VWF: variants seen among roughly 807,000 people sequenced by gnomAD.
VWF encodes the protein von Willebrand factor.
Under a neutral mutation model 308.6 loss-of-function variants are expected in VWF, and 176 were observed. The observed-to-expected ratio is 0.57, with a 90% CI of 0.50 to 0.65. The LOEUF (loss-of-function observed/expected upper bound fraction) is 0.65, where lower values mean the gene tolerates loss of function less well. Ranked by LOEUF, VWF falls within the 30% of genes least tolerant of loss-of-function variation. The probability of loss-of-function intolerance (pLI) is 0.00; values close to 1 mark genes in which losing one functional copy is unlikely to be tolerated. For missense variants in VWF, 3,146 were observed against 3,648.2 expected, an observed-to-expected ratio of 0.86 and a Z score of 3.55; for synonymous variants, 1,385 against 1,443.4, an observed-to-expected ratio of 0.96 and a Z score of 0.92.
At chr12:6,112,684 T>A (rs552691163) in intron 3 of VWF, among the ~76,000 whole-genome samples, 1 of 152,072 alleles carries the variant, frequency 6.6e-6, no homozygotes, top group South Asian at 2.1e-4. Context: ...ACCTGGCAGG[T>A]CTGTTGACTC....
At chr12:6,064,809 C>G (rs1358439001) in intron 11 of VWF, among the ~76,000 whole-genome samples, 1 of 152,200 alleles carries the variant, frequency 6.6e-6, no homozygotes, top group East Asian at 1.9e-4. Flanking sequence ...TCTTTGCCCC[C>G]ACCCCAGCCA....
rs1163709729 is a variant in VWF at position 6,016,630 on chromosome 12, G to A, written c.5197C>T (p.Leu1733=). The A allele has an allele frequency of 6.2e-7, 1 of 1,614,184 alleles. No individual in the cohort carries two copies. Among genetic ancestry groups the A allele is most frequent in the South Asian group, 1.1e-5 (1 of 91,086 alleles). ...IGPRLTQVSV[L]QYGSITTIDV... ...ATGGTGGTGATGCTTCCATACTGCA[G>A]CACTGACACCTGAGTGAGACGAGGC... Residue 1733 remains leucine (L), a synonymous_variant, in exon 30 of 52, where the codon CTG becomes TTG. Coordinates refer to ENST00000261405, the MANE Select transcript of VWF (RefSeq NM_000552.5).
intron 5 of VWF, among the ~76,000 whole-genome samples, chr12:6,102,864 T>C (rs1407012278): frequency 6.6e-6 from 1 of 152,248 alleles, no homozygotes; most frequent in Non-Finnish European, 1.5e-5. Context: ...ATGTCATTTT[T>C]CACAGAATTA....
intron 6 of VWF, among the ~76,000 whole-genome samples, chr12:6,091,051 T>C (rs1945029443): frequency 6.6e-6 from 1 of 152,214 alleles, no homozygotes; most frequent in South Asian, 2.1e-4. Flanking sequence ...TTTGATGGAC[T>C]AACCAGAGGA....
At position 6,016,157 on chromosome 12, in the gene VWF, A is replaced by G. The variant is rs754405864; in HGVS notation, c.5387T>C (p.Val1796Ala). Reference sequence around the variant, plus strand: ...AGAGACGTCCGTGACCAGGATGACCACCGCCTTTGAGGCTCCCGGCCTGGC... The same window carrying G: ...AGAGACGTCCGTGACCAGGATGACCGCCGCCTTTGAGGCTCCCGGCCTGGC... ...HGARPGASKAVVILVTDVSVD... is the reference protein window; with the variant it reads ...HGARPGASKAAVILVTDVSVD... Residue 1796 changes from valine (V) to alanine (A), a missense_variant, in exon 31 of 52, where the codon GTG becomes GCG. Val to Ala is a moderately conservative substitution (Grantham distance 64, BLOSUM62 0). Coordinates refer to ENST00000261405, the MANE Select transcript of VWF (RefSeq NM_000552.5). 1 of 1,614,144 alleles carries G rather than the reference A, an allele frequency of 6.2e-7. No individual in the cohort carries two copies. The highest frequency in any genetic ancestry group is 1.1e-5 in the South Asian group (1 of 91,078).
chr12:6,043,760 A>G (rs1184643158), intron 18 of VWF, among the ~76,000 whole-genome samples: 1 of 152,242 alleles, frequency 6.6e-6, no homozygotes, highest in Admixed American at 6.5e-5. Flanking sequence ...AGGGCTGGCC[A>G]AGACCTCACG....
At chr12:6,021,795 T>C (rs1444488911) in intron 27 of VWF, 105 bp downstream of exon 27, 7 of 1,319,094 alleles carry the variant, frequency 5.3e-6, no homozygotes, top group Admixed American at 1.7e-5. Context: ...ACTCAGTCTC[T>C]CAACTCATGT....
At chr12:6,022,146 C>A in intron 26 of VWF, 111 bp from the exon 27 acceptor site, 1 of 1,459,562 alleles carries the variant, frequency 6.9e-7, no homozygotes, top group Non-Finnish European at 9.6e-7. Flanking sequence ...TAGAAGCCAA[C>A]TCCTCCTGCC....
In VWF at chr12:6,123,814, G is replaced by C. The variant is rs181251679; in HGVS notation, c.-1+607C>G. 1.4e-3 allele frequency among the ~76,000 whole-genome samples: 210 copies of C among 152,236 alleles called. 2 individuals are homozygous for C. Among genetic ancestry groups the C allele is most frequent in the African/African-American group, 4.8e-3 (201 of 41,518 alleles). The stretch of plus-strand genomic sequence containing the variant: ...CTGAAAAAATGGACAGGAGTCCAGC[G>C]GCCCTGGATGCAGGCAGACTTCCCC... On this transcript the variant is annotated intron_variant, in intron 1 of 51. Transcript: ENST00000261405.
chr12:5,966,728 C>G (rs954377273), intron 47 of VWF, among the ~76,000 whole-genome samples: 4 of 152,160 alleles, frequency 2.6e-5, no homozygotes. Context: ...CGCCATAGTT[C>G]ATGCATCTAG....
At chr12:6,122,798 T>C (rs1345208607) in intron 2 of VWF, 1 of 584,252 alleles carries the variant, frequency 1.7e-6, no homozygotes, top group Admixed American at 1.9e-5. Context: ...CATTGTACCA[T>C]GGGAGGTTCA....
chr12:5,996,843 A>G (rs1324154463), intron 34 of VWF, among the ~76,000 whole-genome samples: 1 of 151,686 alleles, frequency 6.6e-6, no homozygotes, highest in Admixed American at 6.6e-5. Context: ...CAAGATTCCT[A>G]TTAAAACATT....
Position 6,095,296 on chromosome 12 carries a change from G to A in VWF, c.657+164C>T, listed in dbSNP as rs866734978. 5.3e-5 allele frequency: 58 copies of A among 1,102,878 alleles called. No homozygotes were observed. In the Middle Eastern group the frequency reaches 1.6e-3, roughly 31 times the overall value. The allele number at this position is 1,102,878 out of a possible 1,614,324, so 68.3% of individuals were successfully genotyped here. A position where few individuals can be genotyped will look rare whatever the true frequency, so the allele number is the denominator to read the frequency against. On this transcript the variant is annotated intron_variant, in intron 6 of 51. Transcript: ENST00000261405. ...GACTCATTTTTAGAGCTTCAGGCTC[G>A]AGATGTATTAGAATTAGACTCTAGC...
intron 6 of VWF, among the ~76,000 whole-genome samples, chr12:6,084,913 G>A (rs548614033): frequency 6.6e-5 from 10 of 152,220 alleles, no homozygotes; most frequent in South Asian, 4.2e-4. Context: ...ACTTCTGGCC[G>A]GCCCAAGATT....
chr12:6,019,863 G>C lies in VWF; in HGVS notation c.3675-120C>G. The C allele has an allele frequency of 2.6e-6, 3 of 1,165,414 alleles. No individual in the cohort carries two copies. The highest frequency in any genetic ancestry group is 3.7e-6 in the Non-Finnish European group (3 of 810,732). The allele number at this position is 1,165,414 out of a possible 1,614,324, so 72.2% of individuals were successfully genotyped here. ...AATCTCCTCTGTTCCACCTGAACTT[G>C]AGATCCCATGGACCATTCCACATCC... On this transcript the variant is annotated intron_variant, in intron 27 of 51. Coordinates refer to ENST00000261405, the MANE Select transcript of VWF (RefSeq NM_000552.5). This position sits in a 1 kb window ranked among gnomAD's most constrained non-coding sequence, Gnocchi z 5.8.
In VWF at chr12:6,063,035, A is replaced by G; in HGVS notation, c.1452T>C (p.His484=). 1 of 1,613,700 alleles carries G rather than the reference A, an allele frequency of 6.2e-7. No homozygotes were observed. Among genetic ancestry groups the G allele is most frequent in the East Asian group, 2.2e-5 (1 of 44,876 alleles). ...PLLKGDLRIQ[H]TVTASVRLSY... is the part of the protein sequence containing the mutation. The stretch of plus-strand genomic sequence containing the variant: ...TGAGGCGCACGGAGGCCGTCACTGT[A>G]TGCTGGATGCGGAGGTCACCTGGAA... Residue 484 remains histidine, a synonymous_variant, in exon 13 of 52, where the codon CAT becomes CAC. Transcript: ENST00000261405. The surrounding 1 kb of genome is among the most constrained non-coding windows in gnomAD (Gnocchi z 4.9).
chr12:6,108,995 A>G (rs2136520111), intron 5 of VWF, among the ~76,000 whole-genome samples: 1 of 152,174 alleles, frequency 6.6e-6, no homozygotes, highest in African/African-American at 2.4e-5. Flanking sequence ...AAAAAAAAAA[A>G]AAAATTCAAA....
Position 6,057,865 on chromosome 12 carries a change from G to A in VWF, c.1713C>T (p.Ala571=), listed in dbSNP as rs1326749995. Residue 571 remains alanine (A), a synonymous_variant, in exon 14 of 52, where the codon GCC becomes GCT. Coordinates refer to ENST00000261405, the MANE Select transcript of VWF (RefSeq NM_000552.5). Reference sequence around the variant, plus strand: ...TTCACATACTCATGCGCGGGTTGAGGGCGCAGGGATCGCTGTGCTGCTTCT... The same window carrying A: ...TTCACATACTCATGCGCGGGTTGAGAGCGCAGGGATCGCTGTGCTGCTTCT... ...DLQKQHSDPC[A]LNPRMTRFSE... 2 of 1,609,500 alleles carry A rather than the reference G, an allele frequency of 1.2e-6. No homozygotes were observed. Among genetic ancestry groups the A allele is most frequent in the Non-Finnish European group, 8.5e-7 (1 of 1,177,796 alleles).
chr12:5,977,867 C>T (rs1243985031), intron 42 of VWF, among the ~76,000 whole-genome samples: 1 of 147,930 alleles, frequency 6.8e-6, no homozygotes, highest in African/African-American at 2.5e-5. Context: ...AAGACCCTAT[C>T]TCTCTCTCTA....
Sources: gnomAD v4.1 joint callset for allele counts (sites outside exome capture counted in the v4.1 genomes callset) on GRCh38, gnomAD v4.1.1 for gene constraint, Gnocchi (gnomAD v3.1) non-coding constraint, MANE v1.5 for transcripts, NCBI Gene and HGNC (gene_info 2026-07-23, HGNC 2026-07-21) for gene names.